The following CDKAL1 variants were observed in gnomAD, a reference collection of about 807,000 sequenced individuals.
CDKAL1 encodes the protein threonylcarbamoyladenosine tRNA methylthiotransferase.
CDKAL1 carries 32 observed loss-of-function variants against 68.2 expected under a neutral mutation model. The ratio of observed to expected loss-of-function variants is 0.47; its 90% CI spans 0.35 to 0.63. The LOEUF (loss-of-function observed/expected upper bound fraction) is 0.63. Ranked by LOEUF, CDKAL1 falls within the 30% of genes least tolerant of loss-of-function variation. The probability of loss-of-function intolerance (pLI) is 0.00; values close to 1 mark genes in which losing one functional copy is unlikely to be tolerated. For synonymous variants in CDKAL1, 234 were observed against 244.3 expected (o/e 0.96, Z 0.39); for missense variants, 606 against 696.7 (o/e 0.87, Z 1.47).
At chr6:20,813,392 C>T (rs1308974897) in intron 8 of CDKAL1, among the ~76,000 whole-genome samples, 1 of 152,170 alleles carries the variant, frequency 6.6e-6, no homozygotes, top group African/African-American at 2.4e-5. Flanking sequence ...ATTTTTCTCT[C>T]ATTAGGTTAC....
chr6:20,989,684 T>C (rs1766688315), intron 10 of CDKAL1, among the ~76,000 whole-genome samples: 1 of 152,208 alleles, frequency 6.6e-6, no homozygotes, highest in Admixed American at 6.5e-5. Flanking sequence ...CAAAGGCAAT[T>C]GTGTGTGGAT....
chr6:20,806,521 CTGTTT>C (rs1249394234), intron 8 of CDKAL1, among the ~76,000 whole-genome samples: 1 of 152,086 alleles, frequency 6.6e-6, no homozygotes, highest in African/African-American at 2.4e-5. Flanking sequence ...AATGGTAGTT[CTGTTT>C]TAAGTTCTTT....
intron 6 of CDKAL1, among the ~76,000 whole-genome samples, chr6:20,743,181 G>C (rs776578462): frequency 5.3e-5 from 8 of 152,168 alleles, no homozygotes; most frequent in African/African-American, 1.7e-4. Flanking sequence ...TGTATTGCAC[G>C]ATTGAGTAAA....
At chr6:20,875,609 C>T (rs1460402906) in intron 9 of CDKAL1, among the ~76,000 whole-genome samples, 2 of 152,024 alleles carry the variant, frequency 1.3e-5, no homozygotes, top group Admixed American at 6.6e-5. Context: ...TGGGTATATC[C>T]TTTCTCTGTT....
chr6:20,960,169 G>A (rs1403290553), intron 10 of CDKAL1, among the ~76,000 whole-genome samples: 1 of 152,114 alleles, frequency 6.6e-6, no homozygotes, highest in Non-Finnish European at 1.5e-5. Flanking sequence ...CCAGGCTGGA[G>A]TGCTGTGGCT....
chr6:20,732,419 C>T (rs112142485), intron 5 of CDKAL1, among the ~76,000 whole-genome samples: 6,210 of 150,282 alleles, frequency 0.041, 146 homozygotes, highest in Middle Eastern at 0.086. Context: ...GGGATTGCAG[C>T]TGTGCACCAT....
intron 11 of CDKAL1, among the ~76,000 whole-genome samples, chr6:21,009,907 A>G (rs527963176): frequency 2.6e-5 from 4 of 152,350 alleles, no homozygotes; most frequent in African/African-American, 9.6e-5. Flanking sequence ...GATAGAAGGA[A>G]TAAGTTCTAG....
At chr6:20,599,439 T>G in intron 4 of CDKAL1, 2 of 435,708 alleles carry the variant, frequency 4.6e-6, no homozygotes, top group Non-Finnish European at 9.2e-6. Context: ...CTACTCTTTC[T>G]GGAACTGTTT....
Position 20,822,453 on chromosome 6 carries a change from G to C in CDKAL1, c.639-23622G>C, listed in dbSNP as rs537514863. Among the ~76,000 whole-genome samples, 42 of 152,212 alleles carry C rather than the reference G, an allele frequency of 2.8e-4. No homozygotes were observed. The South Asian group carries it at 8.5e-3, about 31-fold the overall frequency. ...ATAATCAGAACATGCCACAACATAA[G>C]TCCAGACCTCGCGATACTTCTCGGA... On this transcript the variant is annotated intron_variant, in intron 8 of 15. Transcript: ENST00000274695.
chr6:21,024,939 A>AC (rs1396908529), intron 11 of CDKAL1, among the ~76,000 whole-genome samples: 1 of 152,102 alleles, frequency 6.6e-6, no homozygotes, highest in African/African-American at 2.4e-5. Context: ...TAACTGATGG[A>AC]CCCCACATCT....
At chr6:20,657,034 A>T (rs1769059013) in intron 5 of CDKAL1, among the ~76,000 whole-genome samples, 1 of 152,192 alleles carries the variant, frequency 6.6e-6, no homozygotes, top group African/African-American at 2.4e-5. Context: ...AAAATATCAG[A>T]TTGAGGTGAC....
chr6:20,987,650 C>T (rs536388129), intron 10 of CDKAL1, among the ~76,000 whole-genome samples: 3 of 152,148 alleles, frequency 2.0e-5, no homozygotes, highest in Admixed American at 6.5e-5. Flanking sequence ...CGTGTTTTAC[C>T]TTCATAATTG....
chr6:21,102,900 C>G (rs1773653242), intron 12 of CDKAL1, among the ~76,000 whole-genome samples: 1 of 152,214 alleles, frequency 6.6e-6, no homozygotes, highest in Admixed American at 6.5e-5. Flanking sequence ...ACTACTTAGG[C>G]TCTCTACCAG....
rs147434309 is a variant in CDKAL1 at position 20,577,236 on chromosome 6, A to G, written c.286+28531A>G. The stretch of plus-strand genomic sequence containing the variant: ...CACATTTTATTATGAACTATTTGAC[A>G]GAGAAAAGGATTAAGAGAATAAGGA... On this transcript the variant is annotated intron_variant, in intron 4 of 15. Transcript: ENST00000274695. Among the ~76,000 whole-genome samples, 195 of 152,358 alleles carry G rather than the reference A, an allele frequency of 1.3e-3. 6 individuals carry two copies. In the East Asian group the frequency reaches 0.036, roughly 28 times the overall value.
intron 11 of CDKAL1, among the ~76,000 whole-genome samples, chr6:21,058,727 C>T (rs1303093521): frequency 2.0e-5 from 3 of 152,182 alleles, no homozygotes; most frequent in South Asian, 2.1e-4. Flanking sequence ...AATACCCTCA[C>T]CTGGAGGTGT....
intron 4 of CDKAL1, among the ~76,000 whole-genome samples, chr6:20,602,424 G>A (rs1766142364): frequency 6.6e-6 from 1 of 152,102 alleles, no homozygotes. Context: ...GATTTCAAGG[G>A]ATTGGACTCC....
intron 4 of CDKAL1, among the ~76,000 whole-genome samples, chr6:20,556,365 CAA>C (rs899361045): frequency 7.0e-6 from 1 of 142,570 alleles, no homozygotes. Context: ...AACTCCGCCT[CAA>C]AAAAAAAAAG....
chr6:21,005,654 T>A (rs2150829342), intron 11 of CDKAL1, among the ~76,000 whole-genome samples: 1 of 152,362 alleles, frequency 6.6e-6, no homozygotes, highest in Non-Finnish European at 1.5e-5. Context: ...GTCTCCATGT[T>A]GATTTTTAAT....
At chr6:20,859,958 C>T (rs764022597) in intron 9 of CDKAL1, among the ~76,000 whole-genome samples, 1 of 152,244 alleles carries the variant, frequency 6.6e-6, no homozygotes. Context: ...ATTAAAGTGT[C>T]CACTTAAATA....
Sources: gnomAD v4.1 joint callset for allele counts (sites outside exome capture counted in the v4.1 genomes callset) on GRCh38, gnomAD v4.1.1 for gene constraint, MANE v1.5 for transcripts, NCBI Gene and HGNC (gene_info 2026-07-23, HGNC 2026-07-21) for gene names.